MRPS25: variants seen among roughly 807,000 people sequenced by gnomAD.
MRPS25 encodes the protein mitochondrial ribosomal protein S25, also known as small ribosomal subunit protein mS25.
In MRPS25, 15 loss-of-function variants were observed where a neutral mutation model predicts 17.3. The ratio of observed to expected loss-of-function variants is 0.87; its 90% confidence interval spans 0.58 to 1.34. The LOEUF (loss-of-function observed/expected upper bound fraction) is 1.34, where lower values mean the gene tolerates loss of function less well. Among genes scored for constraint, MRPS25 ranks in the 40% most tolerant of loss-of-function variants. The probability of loss-of-function intolerance (pLI) is 0.00; values close to 1 mark genes in which losing one functional copy is unlikely to be tolerated. For missense variants in MRPS25, 225 were observed against 218.6 expected (o/e 1.03, Z -0.19); for synonymous variants, 94 against 83.3 (o/e 1.13, Z -0.70).
At position 15,052,277 on chromosome 3, in the gene MRPS25, C is replaced by T; in HGVS notation, c.*164G>A. 7.2e-7 allele frequency: 1 copy of T among 1,393,794 alleles called. No individual in the cohort carries two copies. The highest frequency in any genetic ancestry group is 2.6e-5 in the East Asian group (1 of 38,878). The allele number at this position is 1,393,794 out of a possible 1,614,324, so 86.3% of individuals were successfully genotyped here. A position where few individuals can be genotyped will look rare whatever the true frequency, so the allele number is the denominator to read the frequency against. ...ATTTAGCAGCTCAGCTTCAGACCCT[C>T]CTCTCCCACATCCTTTTACACAGGT... On this transcript the variant is annotated 3_prime_UTR_variant, in exon 4 of 4. Coordinates refer to ENST00000253686, the MANE Select transcript of MRPS25 (RefSeq NM_022497.5).
chr3:15,052,621 C>T lies in MRPS25; in HGVS notation c.342G>A (p.Arg114=), dbSNP rs781598455. 11 of 1,613,778 alleles carry T rather than the reference C, an allele frequency of 6.8e-6. No homozygotes were observed. In the Admixed American group the frequency reaches 1.8e-4, roughly 27 times the overall value. Residue 114 remains arginine, a synonymous_variant, in exon 4 of 4, where the codon AGG becomes AGA. Coordinates refer to ENST00000253686, the MANE Select transcript of MRPS25 (RefSeq NM_022497.5). ...KILGKNEETL[R]EEEEEKKQLS... ...GCTGCTTTTTCTCCTCCTCCTCTTC[C>T]CTGAGGGTTTCCCTGCCAAAGAGCA...
intron 2 of MRPS25, among the ~76,000 whole-genome samples, chr3:15,056,842 G>T (rs186065316): frequency 6.4e-4 from 98 of 152,368 alleles, no homozygotes; most frequent in African/African-American, 2.4e-3. Flanking sequence ...ATCAGCATGA[G>T]CGAGGACGCG....
At chr3:15,058,469 G>A (rs901476094) in intron 2 of MRPS25, among the ~76,000 whole-genome samples, 7 of 152,160 alleles carry the variant, frequency 4.6e-5, no homozygotes, top group Non-Finnish European at 8.8e-5. Flanking sequence ...GATTACAGGC[G>A]CAAGCCACTG....
chr3:15,055,701 T>A (rs549222624), intron 2 of MRPS25, among the ~76,000 whole-genome samples: 1 of 152,206 alleles, frequency 6.6e-6, no homozygotes, highest in South Asian at 2.1e-4. Flanking sequence ...GCACTCAACC[T>A]CGGCAACAGT....
At chr3:15,062,495 G>A (rs1231932103) in intron 1 of MRPS25, among the ~76,000 whole-genome samples, 1 of 150,572 alleles carries the variant, frequency 6.6e-6, no homozygotes, top group Non-Finnish European at 1.5e-5. Context: ...GAGGTGAGGG[G>A]CGCCTCTGCC....
chr3:15,058,976 G>A (rs994382627), intron 2 of MRPS25, among the ~76,000 whole-genome samples: 1 of 151,892 alleles, frequency 6.6e-6, no homozygotes, highest in Non-Finnish European at 1.5e-5. Context: ...CTAGGATGCA[G>A]GGAAGGCTTC....
In MRPS25 at chr3:15,051,603, A is replaced by G. The variant is rs2042606884; in HGVS notation, c.*838T>C. ...AGTGTCCTATGAGGAAAGAACAAGG[A>G]AGGTGCTCAGTAATGCAGCACTCCC... On this transcript the variant is annotated 3_prime_UTR_variant, in exon 4 of 4. Transcript: ENST00000253686. 12 of 985,492 alleles carry G rather than the reference A, an allele frequency of 1.2e-5. No individual in the cohort carries two copies. The highest frequency in any genetic ancestry group is 1.4e-5 in the Non-Finnish European group (12 of 829,948). The allele number at this position is 985,492 out of a possible 1,614,324, so 61.0% of individuals were successfully genotyped here.
intron 2 of MRPS25, 24 bp downstream of exon 2, chr3:15,059,345 G>T: frequency 6.6e-7 from 1 of 1,511,622 alleles, no homozygotes; most frequent in South Asian, 1.1e-5. Flanking sequence ...ACAGCCCCTG[G>T]ACCATGGCGA....
chr3:15,049,674 C>CAGA lies in MRPS25; in HGVS notation c.*2764_*2766dup. On this transcript the variant is annotated 3_prime_UTR_variant, in exon 4 of 4. Coordinates refer to ENST00000253686, the MANE Select transcript of MRPS25 (RefSeq NM_022497.5). ...GGGCAAAAACAAGCTCCAAAAGTTT[C>CAGA]AGAAGTTAGAACATATTCATTATGT... The CAGA allele has an allele frequency of 3.7e-6, 2 of 539,020 alleles. No individual in the cohort carries two copies. Among genetic ancestry groups the CAGA allele is most frequent in the Non-Finnish European group, 6.4e-6 (2 of 311,310 alleles). 33.4% of individuals were successfully genotyped at this position (539,020 alleles called of 1,614,324 possible).
Position 15,052,360 on chromosome 3 carries a change from G to A in MRPS25, c.*81C>T. The A allele has an allele frequency of 1.3e-6, 2 of 1,531,534 alleles. No homozygotes were observed. The highest frequency in any genetic ancestry group is 1.8e-6 in the Non-Finnish European group (2 of 1,139,500). The allele number at this position is 1,531,534 out of a possible 1,614,324, so 94.9% of individuals were successfully genotyped here. On this transcript the variant is annotated 3_prime_UTR_variant, in exon 4 of 4. Coordinates refer to ENST00000253686, the MANE Select transcript of MRPS25 (RefSeq NM_022497.5). Reference sequence around the variant, plus strand: ...AGAGTCTCCAGGGACAGAACCAGGGGCTTCCCTGGGCCAAAGTAATCCCAT... The same window carrying A: ...AGAGTCTCCAGGGACAGAACCAGGGACTTCCCTGGGCCAAAGTAATCCCAT...
At position 15,065,100 on chromosome 3, in the gene MRPS25, A is replaced by C. The variant is rs766244773; in HGVS notation, c.95T>G (p.Val32Gly). Residue 32 changes from valine (V) to glycine (G), a missense_variant, in exon 1 of 4, where the codon GTG (valine) becomes GGG (glycine). Transcript: ENST00000253686. ...CAGCTCCCCATGCGTGTTGTAATTCACTGTCATGACCTTCACGGAGTCCTT... is the reference window on the plus strand; with the variant it reads ...CAGCTCCCCATGCGTGTTGTAATTCCCTGTCATGACCTTCACGGAGTCCTT... Reference protein sequence around the residue: ...VFKDSVKVMTVNYNTHGELGE... With the variant: ...VFKDSVKVMTGNYNTHGELGE... The C allele has an allele frequency of 3.1e-6, 5 of 1,607,892 alleles. No individual in the cohort carries two copies. The East Asian group carries it at 9.0e-5, about 29-fold the overall frequency.
At chr3:15,054,211 GA>G (rs955724341) in intron 2 of MRPS25, among the ~76,000 whole-genome samples, 27 of 139,174 alleles carry the variant, frequency 1.9e-4, no homozygotes, top group Admixed American at 2.9e-4. Flanking sequence ...ACTTTGTCTC[GA>G]AAAAAAAAAA....
At chr3:15,054,520 C>T (rs1456490205) in intron 2 of MRPS25, among the ~76,000 whole-genome samples, 1 of 152,034 alleles carries the variant, frequency 6.6e-6, no homozygotes, top group Admixed American at 6.5e-5. Flanking sequence ...CTAGCCTGGG[C>T]AACAGAGCGA....
At position 15,052,307 on chromosome 3, in the gene MRPS25, A is replaced by G. The variant is rs984516077; in HGVS notation, c.*134T>C. 5 of 1,466,386 alleles carry G rather than the reference A, an allele frequency of 3.4e-6. No homozygotes were observed. Among genetic ancestry groups the G allele is most frequent in the Non-Finnish European group, 4.5e-6 (5 of 1,111,912 alleles). The allele number at this position is 1,466,386 out of a possible 1,614,324, so 90.8% of individuals were successfully genotyped here. On this transcript the variant is annotated 3_prime_UTR_variant, in exon 4 of 4. Transcript: ENST00000253686. ...CCCACATCCTTTTACACAGGTGTGTAAAGTCCTTTTAATGCAAAAGGATTT... is the reference window on the plus strand; with the variant it reads ...CCCACATCCTTTTACACAGGTGTGTGAAGTCCTTTTAATGCAAAAGGATTT...
chr3:15,049,895 C>T lies in MRPS25; in HGVS notation c.*2546G>A. 6.5e-7 allele frequency: 1 copy of T among 1,529,710 alleles called. No individual in the cohort carries two copies. Among genetic ancestry groups the T allele is most frequent in the South Asian group, 1.2e-5 (1 of 83,464 alleles). The allele number at this position is 1,529,710 out of a possible 1,614,324, so 94.8% of individuals were successfully genotyped here. ...TCAGCCTCCTGAGTAACTGGGACCACAGCAGATGATACAGGTTTAGATGGT... is the reference window on the plus strand; with the variant it reads ...TCAGCCTCCTGAGTAACTGGGACCATAGCAGATGATACAGGTTTAGATGGT... On this transcript the variant is annotated 3_prime_UTR_variant, in exon 4 of 4. Coordinates refer to ENST00000253686, the MANE Select transcript of MRPS25 (RefSeq NM_022497.5).
chr3:15,054,962 C>T (rs2042651235), intron 2 of MRPS25, among the ~76,000 whole-genome samples: 1 of 152,188 alleles, frequency 6.6e-6, no homozygotes, highest in African/African-American at 2.4e-5. Context: ...TTAATTGGCT[C>T]ATAGTTCTGC....
rs1240396653 is a variant in MRPS25 at position 15,053,403 on chromosome 3, G to C, written c.306C>G (p.Ile102Met). The change falls in exon 3 of 4, where the codon ATC (isoleucine) becomes ATG (methionine). Residue 102 changes from isoleucine to methionine, a missense_variant. Transcript: ENST00000253686. ...TKSNKEIMEH[I>M]RKILGKNEET... Reference sequence around the variant, plus strand: ...ACTCATTCTTCCCCAAGATTTTTCTGATGTGCTCCATGATCTCCTTATTGC... The same window carrying C: ...ACTCATTCTTCCCCAAGATTTTTCTCATGTGCTCCATGATCTCCTTATTGC... The C allele has an allele frequency of 1.2e-6, 2 of 1,614,058 alleles. No homozygotes were observed. The highest frequency in any genetic ancestry group is 3.3e-5 in the Admixed American group (2 of 60,016).
rs891620775 is a variant in MRPS25, at chr3:15,048,791, A to ACAAG, written c.*3646_*3649dup. ...TGAAAAGCTGCACATTTTTCACAGTACAAGCCGTAGTTTTTACCTGTAGTT... is the reference window on the plus strand; with the variant it reads ...TGAAAAGCTGCACATTTTTCACAGTACAAGCAAGCCGTAGTTTTTACCTGTAGTT... On this transcript the variant is annotated 3_prime_UTR_variant, in exon 4 of 4. Coordinates refer to ENST00000253686, the MANE Select transcript of MRPS25 (RefSeq NM_022497.5). 4.6e-5 allele frequency: 7 copies of ACAAG among 152,654 alleles called. No homozygotes were observed. The highest frequency in any genetic ancestry group is 1.7e-4 in the African/African-American group (7 of 41,464). 9.5% of individuals were successfully genotyped at this position (152,654 alleles called of 1,614,324 possible). A position where few individuals can be genotyped will look rare whatever the true frequency, so the allele number is the denominator to read the frequency against.
At chr3:15,058,226 GC>G (rs1175869032) in intron 2 of MRPS25, among the ~76,000 whole-genome samples, 9 of 151,424 alleles carry the variant, frequency 5.9e-5, no homozygotes, top group Non-Finnish European at 1.3e-4. Context: ...GTCTTGCTCT[GC>G]CGCCCAGGCT....
Sources: allele counts gnomAD v4.1 joint callset (sites outside exome capture counted in the v4.1 genomes callset), GRCh38; gene constraint gnomAD v4.1.1; transcripts MANE v1.5; gene names NCBI Gene and HGNC (gene_info 2026-07-23, HGNC 2026-07-21).